Variants in GFRA1 observed in about 807,000 individuals in gnomAD.
The protein encoded by GFRA1 is GDNF family receptor alpha 1, also known as GDNF family receptor alpha-1.
Under a neutral mutation model 51.6 loss-of-function variants are expected in GFRA1, and 16 were observed. The observed-to-expected ratio is 0.31, with a 90% confidence interval of 0.21 to 0.47. The LOEUF (loss-of-function observed/expected upper bound fraction) is 0.47. Ranked by LOEUF, GFRA1 falls within the 20% of genes least tolerant of loss-of-function variation. The pLI is 1.00. For missense variants in GFRA1, 530 were observed against 594.3 expected (o/e 0.89, Z 1.13); for synonymous variants, 270 against 241.3 (o/e 1.12, Z -1.10).
chr10:116,188,466 G>A (rs1178099897), intron 5 of GFRA1, among the ~76,000 whole-genome samples: 3 of 152,290 alleles, frequency 2.0e-5, no homozygotes, highest in South Asian at 4.1e-4. Flanking sequence ...GGGTGGAGGG[G>A]AGAATGAGGG....
At chr10:116,208,311 C>T (rs1964935477) in intron 5 of GFRA1, among the ~76,000 whole-genome samples, 1 of 152,060 alleles carries the variant, frequency 6.6e-6, no homozygotes, top group South Asian at 2.1e-4. Context: ...TGTTTGAATT[C>T]ACCTTATTTG....
At chr10:116,105,442 G>A (rs529358584) in intron 6 of GFRA1, among the ~76,000 whole-genome samples, 117 of 152,236 alleles carry the variant, frequency 7.7e-4, no homozygotes, top group African/African-American at 2.7e-3. Flanking sequence ...GCCTGAAGTC[G>A]CCTGGTATTT....
chr10:116,139,884 C>G (rs545812390), intron 5 of GFRA1, among the ~76,000 whole-genome samples: 1 of 152,340 alleles, frequency 6.6e-6, no homozygotes, highest in Admixed American at 6.5e-5. Context: ...TTAAGACACA[C>G]AAAGACTTAT....
At chr10:116,213,965 A>G (rs189614808) in intron 4 of GFRA1, among the ~76,000 whole-genome samples, 39 of 152,256 alleles carry the variant, frequency 2.6e-4, no homozygotes, top group Admixed American at 2.4e-3. Flanking sequence ...GGAAACCTTG[A>G]CTCTGCTCTA....
At chr10:116,099,034 T>C (rs11197530) in intron 6 of GFRA1, among the ~76,000 whole-genome samples, 13,994 of 152,198 alleles carry the variant, frequency 0.092, 746 homozygotes, top group African/African-American at 0.15. Flanking sequence ...GTTAAAACAC[T>C]AACATTTCCA....
chr10:116,106,959 G>A (rs1267936294), intron 6 of GFRA1, among the ~76,000 whole-genome samples: 3 of 152,134 alleles, frequency 2.0e-5, no homozygotes, highest in Non-Finnish European at 2.9e-5. Context: ...GTGAGACACC[G>A]GCAATCGCTT....
intron 6 of GFRA1, among the ~76,000 whole-genome samples, chr10:116,118,803 G>C (rs1316030293): frequency 6.6e-6 from 1 of 152,186 alleles, no homozygotes; most frequent in Non-Finnish European, 1.5e-5. Context: ...AAAAGTGATT[G>C]GTAGGACTTG....
rs190156362 is a variant in GFRA1, at chr10:116,226,261, C to T, written c.419-14616G>A. Among the ~76,000 whole-genome samples, 669 of 152,284 alleles carry T rather than the reference C, an allele frequency of 4.4e-3. 1 individual carries two copies. The highest frequency in any genetic ancestry group is 7.3e-3 in the Non-Finnish European group (497 of 68,016). The stretch of plus-strand genomic sequence containing the variant: ...TAGGGTAGAAGATGGTCGGCATGGC[C>T]TTTTAAATACTGGCATGTCCCAAGT... On this transcript the variant is annotated intron_variant, in intron 4 of 10. Coordinates refer to ENST00000355422, the MANE Select transcript of GFRA1 (RefSeq NM_005264.8).
chr10:116,216,926 C>T (rs553367174), intron 4 of GFRA1, among the ~76,000 whole-genome samples: 1 of 152,300 alleles, frequency 6.6e-6, no homozygotes, highest in Non-Finnish European at 1.5e-5. Flanking sequence ...TGAGCTGCCC[C>T]CTCACCAAGG....
At chr10:116,064,780 C>T (rs1955018439) in intron 10 of GFRA1, among the ~76,000 whole-genome samples, 1 of 152,194 alleles carries the variant, frequency 6.6e-6, no homozygotes, top group Admixed American at 6.5e-5. Context: ...ACTGCTTGCT[C>T]TTCCATTAGG....
At chr10:116,252,182 C>T (rs2134701008) in intron 4 of GFRA1, among the ~76,000 whole-genome samples, 1 of 152,074 alleles carries the variant, frequency 6.6e-6, no homozygotes, top group South Asian at 2.1e-4. Flanking sequence ...ACGCAGGGTA[C>T]TCACTCTGCC....
Position 116,082,782 on chromosome 10 carries a change from AC to A in GFRA1, c.1197+6958del, listed in dbSNP as rs562062151. On this transcript the variant is annotated intron_variant, in intron 9 of 10. Transcript: ENST00000355422. The stretch of plus-strand genomic sequence containing the variant: ...TGTGAGCCACCACACCCAGCCTCAA[AC>A]CCTTCTTATTAATTAAGAAGACACA... 1.7e-3 allele frequency among the ~76,000 whole-genome samples: 253 copies of A among 152,120 alleles called. 3 individuals are homozygous for A. The highest frequency in any genetic ancestry group is 5.9e-3 in the African/African-American group (243 of 41,518).
intron 5 of GFRA1, among the ~76,000 whole-genome samples, chr10:116,133,973 T>A (rs992464101): frequency 6.6e-6 from 1 of 152,204 alleles, no homozygotes; most frequent in Non-Finnish European, 1.5e-5. Context: ...GCCCTGATTA[T>A]TTACACTTAG....
intron 4 of GFRA1, among the ~76,000 whole-genome samples, chr10:116,258,880 T>C (rs911324318): frequency 1.4e-4 from 21 of 152,206 alleles, no homozygotes; most frequent in African/African-American, 5.1e-4. Context: ...TTAAGTATCA[T>C]GGGGAATGCA....
chr10:116,234,862 T>TG (rs34823097), intron 4 of GFRA1, among the ~76,000 whole-genome samples: 8 of 152,038 alleles, frequency 5.3e-5, no homozygotes, highest in East Asian at 1.9e-4. Flanking sequence ...TAATCATGGG[T>TG]GGGGGGGTTC....
intron 5 of GFRA1, among the ~76,000 whole-genome samples, chr10:116,168,639 G>C (rs1960729342): frequency 6.6e-6 from 1 of 152,178 alleles, no homozygotes; most frequent in Non-Finnish European, 1.5e-5. Context: ...CAGTGGAGAG[G>C]AAGGGCCAAC....
At position 116,253,020 on chromosome 10, in the gene GFRA1, A is replaced by T. The variant is rs1000498515; in HGVS notation, c.418+16483T>A. Among the ~76,000 whole-genome samples, 12 of 152,358 alleles carry T rather than the reference A, an allele frequency of 7.9e-5. No homozygotes were observed. In the East Asian group the frequency reaches 2.1e-3, roughly 27 times the overall value. On this transcript the variant is annotated intron_variant, in intron 4 of 10. Coordinates refer to ENST00000355422, the MANE Select transcript of GFRA1 (RefSeq NM_005264.8). ...ATGTGCCTCTTCCTCAGTCCACAAG[A>T]TTAAAAGAGAAGGCAAGTTCAATAC...
In GFRA1 at chr10:116,069,816, C is replaced by T. The variant is rs113525997; in HGVS notation, c.1198-4190G>A. On this transcript the variant is annotated intron_variant, in intron 9 of 10. Transcript: ENST00000355422. Reference sequence around the variant, plus strand: ...TTTATAGCTCTCAGCCCAGTCCCTACGTGGGTTCTGCCCACAGCAGGCTCT... The same window carrying T: ...TTTATAGCTCTCAGCCCAGTCCCTATGTGGGTTCTGCCCACAGCAGGCTCT... Among the ~76,000 whole-genome samples, 70 of 152,324 alleles carry T rather than the reference C, an allele frequency of 4.6e-4. 1 individual carries two copies. In the South Asian group the frequency reaches 0.014, roughly 31 times the overall value.
intron 5 of GFRA1, among the ~76,000 whole-genome samples, chr10:116,195,612 A>G (rs2694754): frequency 0.95 from 144,247 of 152,282 alleles, 68,303 homozygotes; most frequent in East Asian, 1. Context: ...TTTGCCGGTC[A>G]CTCACCTCCT....
Sources: gnomAD v4.1 joint callset for allele counts (sites outside exome capture counted in the v4.1 genomes callset) on GRCh38, gnomAD v4.1.1 for gene constraint, MANE v1.5 for transcripts, NCBI Gene and HGNC (gene_info 2026-07-23, HGNC 2026-07-21) for gene names.